Variants in TUSC3 observed in about 807,000 individuals in gnomAD.
TUSC3 encodes the protein tumor suppressor candidate 3.
In TUSC3, 45 loss-of-function variants were observed where a neutral mutation model predicts 44.8. That is an observed-to-expected ratio of 1.00 (90% CI 0.79 to 1.29). The LOEUF (loss-of-function observed/expected upper bound fraction) is 1.29. Among genes scored for constraint, TUSC3 ranks in the 50% most tolerant of loss-of-function variants. The pLI is 0.00. For missense variants in TUSC3, 519 were observed against 437.9 expected (o/e 1.19, Z -1.65); for synonymous variants, 212 against 152.9 (o/e 1.39, Z -2.85).
chr8:15,480,636 C>T (rs567550943), intron 1 of TUSC3, among the ~76,000 whole-genome samples: 1 of 152,274 alleles, frequency 6.6e-6, no homozygotes, highest in Non-Finnish European at 1.5e-5. Context: ...GGCTTCCCTC[C>T]TTGGCTTGCA....
At chr8:15,740,907 A>C (rs1811165529) in intron 7 of TUSC3, among the ~76,000 whole-genome samples, 1 of 152,170 alleles carries the variant, frequency 6.6e-6, no homozygotes, top group Admixed American at 6.5e-5. Flanking sequence ...GCAATAAAAT[A>C]TGGTATACTC....
In TUSC3 at chr8:15,764,144, CATATT is replaced by C; in HGVS notation, c.*47-58_*47-54del. 5 of 1,435,188 alleles carry C rather than the reference CATATT, an allele frequency of 3.5e-6. No individual in the cohort carries two copies. The South Asian group carries it at 3.5e-5, about 10-fold the overall frequency. The allele number at this position is 1,435,188 out of a possible 1,614,324, so 88.9% of individuals were successfully genotyped here. A position where few individuals can be genotyped will look rare whatever the true frequency, so the allele number is the denominator to read the frequency against. ...TGCTAATTTAGAATGGAATAACAAA[CATATT>C]GTATTTTCCTTATGTTCTATGTTCA... On this transcript the variant is annotated intron_variant, in intron 10 of 10. Coordinates refer to ENST00000503731, the MANE Select transcript of TUSC3 (RefSeq NM_006765.4).
At chr8:15,538,513 C>A (rs1254781973), upstream of TUSC3, among the ~76,000 whole-genome samples, 1 of 152,156 alleles carries the variant, frequency 6.6e-6, no homozygotes, top group Non-Finnish European at 1.5e-5. Flanking sequence ...TGTCAATGTT[C>A]AAATTTTTTC....
intron 2 of TUSC3, among the ~76,000 whole-genome samples, chr8:15,650,034 A>T (rs575619914): frequency 6.6e-6 from 1 of 152,320 alleles, no homozygotes; most frequent in Non-Finnish European, 1.5e-5. Flanking sequence ...ATCATCTGGA[A>T]AATTAGCAAA....
intron 2 of TUSC3, among the ~76,000 whole-genome samples, chr8:15,489,438 A>G (rs1800777458): frequency 6.6e-6 from 1 of 152,216 alleles, no homozygotes; most frequent in African/African-American, 2.4e-5. Context: ...TCAGACCTTT[A>G]GAAGTTGCTG....
intron 8 of TUSC3, among the ~76,000 whole-genome samples, chr8:15,745,838 T>A (rs1585295723): frequency 6.6e-6 from 1 of 151,412 alleles, no homozygotes. Flanking sequence ...GGAGACTTAG[T>A]AAAAAAAATT....
At chr8:15,756,581 T>C (rs1017154416) in intron 9 of TUSC3, among the ~76,000 whole-genome samples, 43 of 152,222 alleles carry the variant, frequency 2.8e-4, no homozygotes, top group Admixed American at 2.6e-4. Context: ...AAAAACCTTT[T>C]ATATATCTCC....
intron 1 of TUSC3, among the ~76,000 whole-genome samples, chr8:15,545,292 G>A (rs752998500): frequency 3.3e-5 from 5 of 151,510 alleles, no homozygotes; most frequent in Non-Finnish European, 7.4e-5. Context: ...AGTTCACATT[G>A]AGCAACATGA....
intron 1 of TUSC3, among the ~76,000 whole-genome samples, chr8:15,467,164 C>T (rs547058600): frequency 6.6e-6 from 1 of 151,502 alleles, no homozygotes; most frequent in East Asian, 1.9e-4. Context: ...TAAAAGACAA[C>T]ACTGTTAGGG....
chr8:15,664,797 A>G (rs1807584543), intron 5 of TUSC3, among the ~76,000 whole-genome samples: 1 of 149,570 alleles, frequency 6.7e-6, no homozygotes, highest in African/African-American at 2.4e-5. Context: ...TATATAATAT[A>G]TAATTTACAT....
chr8:15,545,089 A>G (rs866404327), intron 1 of TUSC3, among the ~76,000 whole-genome samples: 2 of 151,864 alleles, frequency 1.3e-5, no homozygotes, highest in African/African-American at 4.8e-5. Flanking sequence ...ATTTTAAAAC[A>G]AGGAAATTAA....
At chr8:15,531,170 G>T (rs1016595781) in intron 2 of TUSC3, among the ~76,000 whole-genome samples, 3 of 152,168 alleles carry the variant, frequency 2.0e-5, no homozygotes, top group Non-Finnish European at 4.4e-5. Context: ...AAAATCCCAG[G>T]TTCAAAGTCA....
rs150861154 is a variant in TUSC3 at position 15,584,624 on chromosome 8, T to G, written c.139-38456T>G. On this transcript the variant is annotated intron_variant, in intron 1 of 10. Coordinates refer to ENST00000503731, the MANE Select transcript of TUSC3 (RefSeq NM_006765.4). Reference sequence around the variant, plus strand: ...GGTAAAGGCTTCCTAGGTAATTGAGTCAATACAGTTTTGACAAATGAGGAA... The same window carrying G: ...GGTAAAGGCTTCCTAGGTAATTGAGGCAATACAGTTTTGACAAATGAGGAA... Among the ~76,000 whole-genome samples, 21 of 151,888 alleles carry G rather than the reference T, an allele frequency of 1.4e-4. No homozygotes were observed. The East Asian group carries it at 3.9e-3, about 28-fold the overall frequency.
chr8:15,723,356 T>G (rs1280487356), intron 6 of TUSC3, among the ~76,000 whole-genome samples: 1 of 152,174 alleles, frequency 6.6e-6, no homozygotes, highest in Admixed American at 6.6e-5. Flanking sequence ...AATCAAGATT[T>G]GTCACTGTTT....
chr8:15,846,360 C>G, the TUSC3 span, among the ~76,000 whole-genome samples: 4 of 152,150 alleles, frequency 2.6e-5, no homozygotes, highest in Non-Finnish European at 5.9e-5. Flanking sequence ...GAACCCATTA[C>G]TGCTACTGAA....
chr8:15,663,798 T>C (rs1807532065), intron 5 of TUSC3, among the ~76,000 whole-genome samples: 1 of 151,932 alleles, frequency 6.6e-6, no homozygotes, highest in Non-Finnish European at 1.5e-5. Flanking sequence ...TTTTGGCTTT[T>C]TTCCATGCTA....
intron 2 of TUSC3, among the ~76,000 whole-genome samples, chr8:15,645,160 G>T (rs186757169): frequency 1.3e-5 from 2 of 152,048 alleles, no homozygotes; most frequent in Non-Finnish European, 2.9e-5. Context: ...GTGAGATACA[G>T]CATTCTCAAA....
At chr8:15,821,350 T>C in the TUSC3 span, among the ~76,000 whole-genome samples, 1 of 127,460 alleles carries the variant, frequency 7.8e-6, no homozygotes, top group Admixed American at 1.0e-4. Context: ...GATTTTAATG[T>C]ATCTAGGCAT....
At chr8:15,649,224 C>A (rs1340299164) in intron 2 of TUSC3, among the ~76,000 whole-genome samples, 2 of 151,400 alleles carry the variant, frequency 1.3e-5, no homozygotes, top group East Asian at 3.9e-4. Context: ...TTTTTCGTTG[C>A]GGTGGGGATG....
Sources: gnomAD v4.1 joint callset for allele counts (sites outside exome capture counted in the v4.1 genomes callset) on GRCh38, gnomAD v4.1.1 for gene constraint, MANE v1.5 for transcripts, NCBI Gene and HGNC (gene_info 2026-07-23, HGNC 2026-07-21) for gene names.